PRKCA: variants seen among roughly 807,000 people sequenced by gnomAD.
PRKCA encodes the protein protein kinase C alpha, also known as protein kinase C alpha type.
A neutral mutation model predicts 87.0 loss-of-function variants in PRKCA; 27 were observed. That is an observed-to-expected ratio of 0.31 (90% confidence interval 0.23 to 0.43). The LOEUF is 0.43. PRKCA is among the 20% of genes least tolerant of loss of function. The probability of loss-of-function intolerance (pLI) is 1.00; values close to 1 mark genes in which losing one functional copy is unlikely to be tolerated. For synonymous variants in PRKCA, 329 were observed against 311.1 expected, an observed-to-expected ratio of 1.06 and a Z score of -0.61; for missense variants, 518 against 852.3, an observed-to-expected ratio of 0.61 and a Z score of 4.88.
chr17:66,602,170 C>T (rs1232011928), intron 3 of PRKCA, among the ~76,000 whole-genome samples: 1 of 28,718 alleles, frequency 3.5e-5, no homozygotes, highest in Non-Finnish European at 6.8e-5. Context: ...CCCCCAGCCT[C>T]GTTGCCGCCT....
intron 14 of PRKCA, among the ~76,000 whole-genome samples, chr17:66,779,184 C>G (rs973974284): frequency 1.3e-5 from 2 of 152,154 alleles, no homozygotes; most frequent in Non-Finnish European, 2.9e-5. Context: ...GGGTTTTGGT[C>G]TAAGTTTGTC....
At chr17:66,349,645 G>A (rs1421577886) in intron 2 of PRKCA, among the ~76,000 whole-genome samples, 3 of 152,106 alleles carry the variant, frequency 2.0e-5, no homozygotes, top group African/African-American at 7.2e-5. Flanking sequence ...GGTTTTCCCG[G>A]GCCTTTAGTT....
intron 3 of PRKCA, among the ~76,000 whole-genome samples, chr17:66,604,340 C>T (rs768073081): frequency 6.6e-6 from 1 of 152,022 alleles, no homozygotes; most frequent in Non-Finnish European, 1.5e-5. Context: ...GTAGATATTG[C>T]GGGAGTCAGT....
At chr17:66,671,575 G>A (rs1972185977) in intron 5 of PRKCA, among the ~76,000 whole-genome samples, 1 of 152,156 alleles carries the variant, frequency 6.6e-6, no homozygotes, top group Non-Finnish European at 1.5e-5. Flanking sequence ...TTTCAGATGG[G>A]ATGTTTTGCT....
intron 2 of PRKCA, among the ~76,000 whole-genome samples, chr17:66,343,967 C>CCCTAACTTAGAGGAAAAAAA (rs1907202293): frequency 6.6e-6 from 1 of 151,972 alleles, no homozygotes; most frequent in Non-Finnish European, 1.5e-5. Flanking sequence ...CCCCATCCCT[C>CCCTAACTTAGAGGAAAAAAA]CCTAACTTAG....
At chr17:66,577,178 C>T (rs1969265273) in intron 3 of PRKCA, among the ~76,000 whole-genome samples, 1 of 152,020 alleles carries the variant, frequency 6.6e-6, no homozygotes, top group Admixed American at 6.6e-5. Flanking sequence ...CCCTGTGATG[C>T]ACTTTTAATC....
rs1976138508 is a variant in PRKCA at position 66,810,462 on chromosome 17, T to A, written c.*6425T>A. 1 of 152,244 alleles carries A rather than the reference T, an allele frequency of 6.6e-6. No homozygotes were observed. The highest frequency in any genetic ancestry group is 2.1e-4 in the South Asian group (1 of 4,838). 9.4% of individuals were successfully genotyped at this position (152,244 alleles called of 1,614,324 possible). On this transcript the variant is annotated 3_prime_UTR_variant, in exon 17 of 17. Transcript: ENST00000413366. ...GTGTGAAGGACATACCACGTTTAAA[T>A]CATTAATTGAAAAACATCATATAAG...
intron 2 of PRKCA, chr17:66,339,726 G>C (rs1906923752): frequency 6.6e-6 from 1 of 152,122 alleles, no homozygotes; most frequent in Non-Finnish European, 1.5e-5. Context: ...CTCCCCCAAA[G>C]ACCTTTAAAT....
At chr17:66,720,910 A>C (rs1314323078) in intron 8 of PRKCA, among the ~76,000 whole-genome samples, 2 of 152,200 alleles carry the variant, frequency 1.3e-5, no homozygotes, top group African/African-American at 4.8e-5. Context: ...GAGAATGCTA[A>C]GAGATCATGT....
intron 3 of PRKCA, among the ~76,000 whole-genome samples, chr17:66,562,637 C>G (rs1160322582): frequency 6.6e-6 from 1 of 151,916 alleles, no homozygotes; most frequent in East Asian, 1.9e-4. Flanking sequence ...CACTGAGTCA[C>G]CCAGGCTGGA....
chr17:66,553,938 G>T (rs1245712778), intron 3 of PRKCA, among the ~76,000 whole-genome samples: 1 of 152,146 alleles, frequency 6.6e-6, no homozygotes, highest in East Asian at 1.9e-4. Flanking sequence ...TTGGACTTTG[G>T]GGTAGAATTC....
chr17:66,304,038 G>C (rs1904663523), intron 1 of PRKCA, among the ~76,000 whole-genome samples: 1 of 152,108 alleles, frequency 6.6e-6, no homozygotes, highest in Non-Finnish European at 1.5e-5. Flanking sequence ...CTCGAGATTA[G>C]ACCTGTAACC....
chr17:66,473,035 A>C (rs1187200707), intron 2 of PRKCA, among the ~76,000 whole-genome samples: 1 of 152,134 alleles, frequency 6.6e-6, no homozygotes, highest in Non-Finnish European at 1.5e-5. Flanking sequence ...AGGAGCTACC[A>C]TTATGGAGGA....
At chr17:66,761,104 G>A (rs1289615635) in intron 13 of PRKCA, among the ~76,000 whole-genome samples, 2 of 152,166 alleles carry the variant, frequency 1.3e-5, no homozygotes, top group Non-Finnish European at 2.9e-5. Context: ...GGGCGCAGTG[G>A]CTCACACCTG....
chr17:66,804,954 C>T lies in PRKCA; in HGVS notation c.*917C>T. On this transcript the variant is annotated 3_prime_UTR_variant, in exon 17 of 17. Transcript: ENST00000413366. Reference sequence around the variant, plus strand: ...ACATTTTGCTGCCTACCTTGTTATCCTTCTCAAGAAGCTGAAGTGTACGCC... The same window carrying T: ...ACATTTTGCTGCCTACCTTGTTATCTTTCTCAAGAAGCTGAAGTGTACGCC... The T allele has an allele frequency of 1.0e-6, 1 of 979,998 alleles. No individual in the cohort carries two copies. The highest frequency in any genetic ancestry group is 1.2e-6 in the Non-Finnish European group (1 of 824,712). The allele number at this position is 979,998 out of a possible 1,614,324, so 60.7% of individuals were successfully genotyped here. A position where few individuals can be genotyped will look rare whatever the true frequency, so the allele number is the denominator to read the frequency against.
intron 2 of PRKCA, among the ~76,000 whole-genome samples, chr17:66,481,727 C>T (rs1459948228): frequency 1.3e-5 from 2 of 152,162 alleles, no homozygotes; most frequent in African/African-American, 2.4e-5. Flanking sequence ...CCAGGCCTGC[C>T]AGACTTTCTG....
chr17:66,309,379 GA>G (rs1222801828), intron 2 of PRKCA, among the ~76,000 whole-genome samples: 1 of 152,172 alleles, frequency 6.6e-6, no homozygotes, highest in Non-Finnish European at 1.5e-5. Context: ...GTATCTTGGG[GA>G]AGGGAAGGGC....
chr17:66,754,400 A>G (rs1404612974), intron 13 of PRKCA, among the ~76,000 whole-genome samples: 1 of 152,064 alleles, frequency 6.6e-6, no homozygotes, highest in Non-Finnish European at 1.5e-5. Context: ...AAGAGCCAGG[A>G]TGAATCCTGG....
At chr17:66,671,026 C>G (rs7208562) in intron 5 of PRKCA, among the ~76,000 whole-genome samples, 61,726 of 150,588 alleles carry the variant, frequency 0.41, 12,893 homozygotes, top group East Asian at 0.5. Context: ...TCTGGCCAAC[C>G]TAGCAAAACC....
Sources: gnomAD v4.1 joint callset for allele counts (sites outside exome capture counted in the v4.1 genomes callset) on GRCh38, gnomAD v4.1.1 for gene constraint, MANE v1.5 for transcripts, NCBI Gene and HGNC (gene_info 2026-07-23, HGNC 2026-07-21) for gene names.